TMEM131L: variants seen among roughly 807,000 people sequenced by gnomAD.
TMEM131L encodes transmembrane protein 131-like.
In TMEM131L, 54 loss-of-function variants were observed where a neutral mutation model predicts 192.2. That is an observed-to-expected ratio of 0.28 (90% CI 0.23 to 0.35). The LOEUF is 0.35. Among genes scored for constraint, TMEM131L ranks in the 10% least tolerant of loss-of-function variants. TMEM131L has a pLI of 1.00. For synonymous variants in TMEM131L, 701 were observed against 704.9 expected (o/e 0.99, Z 0.09); for missense variants, 1,888 against 1,972.9 (o/e 0.96, Z 0.82).
intron 19 of TMEM131L, among the ~76,000 whole-genome samples, chr4:153,594,980 A>T (rs973785531): frequency 4.6e-5 from 7 of 152,224 alleles, no homozygotes; most frequent in African/African-American, 1.7e-4. Context: ...TTTATTTTAA[A>T]TCTAAATATT....
chr4:153,615,012 T>C (rs1362249651), intron 26 of TMEM131L, among the ~76,000 whole-genome samples: 2 of 152,178 alleles, frequency 1.3e-5, no homozygotes, highest in East Asian at 3.8e-4. Flanking sequence ...TGAGCTCATT[T>C]TTATGTCTGT....
chr4:153,532,888 G>T (rs563832451), intron 3 of TMEM131L, among the ~76,000 whole-genome samples: 2 of 151,960 alleles, frequency 1.3e-5, no homozygotes, highest in Non-Finnish European at 2.9e-5. Context: ...GCTAGCTGAC[G>T]CATTAAAGGA....
chr4:153,549,604 T>C (rs540064945), intron 3 of TMEM131L, among the ~76,000 whole-genome samples: 1 of 152,350 alleles, frequency 6.6e-6, no homozygotes, highest in South Asian at 2.1e-4. Flanking sequence ...TGTGAGATTG[T>C]GTATGATTGT....
chr4:153,596,481 C>A, intron 20 of TMEM131L, 96 bp downstream of exon 20: 2 of 1,447,594 alleles, frequency 1.4e-6, no homozygotes, highest in Non-Finnish European at 9.6e-7. Flanking sequence ...CTCAGTCAGA[C>A]CTTCAGGATG....
At position 153,603,810 on chromosome 4, in the gene TMEM131L, G is replaced by T. The variant is rs1263880007; in HGVS notation, c.2798G>T (p.Cys933Phe). 3.8e-6 allele frequency: 6 copies of T among 1,576,278 alleles called. No homozygotes were observed. In the African/African-American group the frequency reaches 8.3e-5, roughly 22 times the overall value. Residue 933 changes from cysteine (C) to phenylalanine (F), a missense_variant, in exon 25 of 35, where the codon TGC becomes TTC. Coordinates refer to ENST00000409959, the MANE Select transcript of TMEM131L (RefSeq NM_001131007.2). Reference sequence around the variant, plus strand: ...TTTCTTCTTAAATTCAGAAGCAATTGCAAGAACTTTCTCGATACATATGGC... The same window carrying T: ...TTTCTTCTTAAATTCAGAAGCAATTTCAAGAACTTTCTCGATACATATGGC... ...VISPHSYKSN[C>F]KNFLDTYGPS... is the part of the protein sequence containing the mutation.
chr4:153,497,556 T>G (rs1230116558), intron 3 of TMEM131L, among the ~76,000 whole-genome samples: 1 of 152,178 alleles, frequency 6.6e-6, no homozygotes, highest in African/African-American at 2.4e-5. Flanking sequence ...TTATATTGAT[T>G]AAATTAGGTC....
At chr4:153,563,231 A>G (rs1387381504) in intron 7 of TMEM131L, among the ~76,000 whole-genome samples, 2 of 152,224 alleles carry the variant, frequency 1.3e-5, no homozygotes, top group Non-Finnish European at 2.9e-5. Flanking sequence ...GGAATATTTT[A>G]TAAAACTGTG....
intron 25 of TMEM131L, among the ~76,000 whole-genome samples, chr4:153,606,046 G>A (rs1732211386): frequency 6.6e-6 from 1 of 152,174 alleles, no homozygotes; most frequent in Non-Finnish European, 1.5e-5. Flanking sequence ...TGGCGTGTGA[G>A]TATGCCCCCT....
intron 4 of TMEM131L, among the ~76,000 whole-genome samples, chr4:153,552,691 A>T (rs1194540201): frequency 6.6e-6 from 1 of 151,834 alleles, no homozygotes; most frequent in East Asian, 1.9e-4. Flanking sequence ...AAAATTAGCT[A>T]AGCATGGTGG....
At chr4:153,491,590 T>A (rs2149889973) in intron 3 of TMEM131L, among the ~76,000 whole-genome samples, 1 of 152,354 alleles carries the variant, frequency 6.6e-6, no homozygotes. Context: ...TATTCCAAGT[T>A]GTACGTCTTA....
At chr4:153,473,281 C>T (rs1228444798) in intron 2 of TMEM131L, among the ~76,000 whole-genome samples, 2 of 152,176 alleles carry the variant, frequency 1.3e-5, no homozygotes, top group Admixed American at 1.3e-4. Flanking sequence ...GGAGACTGGT[C>T]TTTGCTGCAC....
In TMEM131L at chr4:153,602,348, G is replaced by A; in HGVS notation, c.2453+10G>A. On this transcript the variant is annotated intron_variant, in intron 22 of 34. Transcript: ENST00000409959. ...GCGATATCAGCATTGTGTAAGCATT[G>A]GGCTTTAACTTGATTTCAGTTTTGT... is the stretch of plus-strand genomic sequence containing the variant. The A allele has an allele frequency of 6.8e-6, 11 of 1,606,386 alleles. No homozygotes were observed. The highest frequency in any genetic ancestry group is 9.3e-6 in the Non-Finnish European group (11 of 1,178,330).
chr4:153,581,212 C>A (rs1036525867), intron 8 of TMEM131L, among the ~76,000 whole-genome samples, 195 bp from the exon 9 acceptor site: 1 of 152,214 alleles, frequency 6.6e-6, no homozygotes, highest in Non-Finnish European at 1.5e-5. Context: ...CGAGATCGCA[C>A]CACTGCACTC....
chr4:153,522,914 A>G (rs1342578807), intron 3 of TMEM131L, among the ~76,000 whole-genome samples: 1 of 152,104 alleles, frequency 6.6e-6, no homozygotes, highest in Non-Finnish European at 1.5e-5. Flanking sequence ...CTTGAGTTAC[A>G]CTGGGTGATC....
At chr4:153,551,230 CCGTAGGAG>C (rs1737596510) in intron 4 of TMEM131L, among the ~76,000 whole-genome samples, 1 of 152,142 alleles carries the variant, frequency 6.6e-6, no homozygotes, top group Non-Finnish European at 1.5e-5. Context: ...ATAACCATGG[CCGTAGGAG>C]AGCATCTGGG....
chr4:153,623,465 C>T (rs1338153123), intron 29 of TMEM131L, among the ~76,000 whole-genome samples: 1 of 152,170 alleles, frequency 6.6e-6, no homozygotes, highest in Non-Finnish European at 1.5e-5. Flanking sequence ...TATTTTTTAT[C>T]TTGCAAAACT....
At position 153,588,933 on chromosome 4, in the gene TMEM131L, C is replaced by T. The variant is rs147642995; in HGVS notation, c.1596C>T (p.Thr532=). 8,767 of 1,606,954 alleles carry T rather than the reference C, an allele frequency of 5.5e-3. 31 individuals carry two copies. Among genetic ancestry groups the T allele is most frequent in the Non-Finnish European group, 5.6e-3 (6,603 of 1,173,610 alleles). The change falls in exon 16 of 35, where the codon ACC becomes ACT. Residue 532 remains threonine, a synonymous_variant. Coordinates refer to ENST00000409959, the MANE Select transcript of TMEM131L (RefSeq NM_001131007.2). ...WNGSLSLDQS[T]WNVDSELANK... ...GGAGCCTTTCTCTGGATCAATCTAC[C>T]TGGAATGTGGATTCTGAACTTGCAA...
chr4:153,583,132 G>GCTCTGTTTTAATCTCTGATTAAATA (rs1231982796), intron 9 of TMEM131L, 58 bp from the exon 10 acceptor site: 352 of 829,528 alleles, frequency 4.2e-4, no homozygotes, highest in Middle Eastern at 1.6e-3. Flanking sequence ...GAATGAGATG[G>GCTCTGTTTTAATCTCTGATTAAATA]CTCTGTTTTA....
rs760084941 is a variant in TMEM131L, at chr4:153,592,610, C to T, written c.1922+26C>T. On this transcript the variant is annotated intron_variant, in intron 18 of 34. Transcript: ENST00000409959. Reference sequence around the variant, plus strand: ...GTATGAAGACTTTTTTTCTGAGAGGCAGTTTGGGAAGTACTTGGGAAGACT... The same window carrying T: ...GTATGAAGACTTTTTTTCTGAGAGGTAGTTTGGGAAGTACTTGGGAAGACT... The T allele has an allele frequency of 5.4e-6, 8 of 1,468,634 alleles. No homozygotes were observed. The East Asian group carries it at 1.8e-4, about 33-fold the overall frequency. The allele number at this position is 1,468,634 out of a possible 1,614,324, so 91.0% of individuals were successfully genotyped here. A position where few individuals can be genotyped will look rare whatever the true frequency, so the allele number is the denominator to read the frequency against.
Sources: gnomAD v4.1 joint callset for allele counts (sites outside exome capture counted in the v4.1 genomes callset) on GRCh38, gnomAD v4.1.1 for gene constraint, MANE v1.5 for transcripts, NCBI Gene and HGNC (gene_info 2026-07-23, HGNC 2026-07-21) for gene names.